The following PTPRU variants were observed in gnomAD, a reference collection of about 807,000 sequenced individuals.
The protein encoded by PTPRU is receptor-type tyrosine-protein phosphatase U.
A neutral mutation model predicts 166.3 loss-of-function variants in PTPRU; 69 were observed. That is an observed-to-expected ratio of 0.41 (90% CI 0.34 to 0.51). PTPRU has a LOEUF of 0.51. PTPRU is among the 20% of genes least tolerant of loss of function. PTPRU has a pLI of 0.09. For synonymous variants in PTPRU, 793 were observed against 814.0 expected (o/e 0.97, Z 0.44); for missense variants, 1,657 against 2,013.7 (o/e 0.82, Z 3.39).
chr1:29,279,270 A>G lies in PTPRU; in HGVS notation c.1563+149A>G. 3.0e-6 allele frequency: 3 copies of G among 995,854 alleles called. No individual in the cohort carries two copies. Among genetic ancestry groups the G allele is most frequent in the Non-Finnish European group, 4.5e-6 (3 of 666,074 alleles). 61.7% of individuals were successfully genotyped at this position (995,854 alleles called of 1,614,324 possible). ...CTATGGCCAGGTCTGTGCCCTGTGT[A>G]TTCTAGAGGAGGGTCCTGAAGGCAG... On this transcript the variant is annotated intron_variant, in intron 9 of 29. Transcript: ENST00000373779. This position sits in a 1 kb window ranked among gnomAD's most constrained non-coding sequence, Gnocchi z 5.2.
intron 12 of PTPRU, 139 bp downstream of exon 12, chr1:29,283,088 T>C (rs926924288): frequency 9.5e-5 from 117 of 1,230,014 alleles, no homozygotes; most frequent in Middle Eastern, 2.8e-4. Context: ...CCACCTCCCA[T>C]AGCTCCTCCT....
In PTPRU at chr1:29,279,305, C is replaced by G. The variant is rs1685953673; in HGVS notation, c.1564-151C>G. Reference sequence around the variant, plus strand: ...AGGGTCCTGAAGGCAGGAGGGAGAGCCGAAGATGACTAGAAGCCTGGCTTG... The same window carrying G: ...AGGGTCCTGAAGGCAGGAGGGAGAGGCGAAGATGACTAGAAGCCTGGCTTG... On this transcript the variant is annotated intron_variant, in intron 9 of 29. Transcript: ENST00000373779. The surrounding 1 kb of genome is among the most constrained non-coding windows in gnomAD (Gnocchi z 5.2). 1 of 1,021,550 alleles carries G rather than the reference C, an allele frequency of 9.8e-7. No homozygotes were observed. Among genetic ancestry groups the G allele is most frequent in the Non-Finnish European group, 1.5e-6 (1 of 689,008 alleles). The allele number at this position is 1,021,550 out of a possible 1,614,324, so 63.3% of individuals were successfully genotyped here. A position where few individuals can be genotyped will look rare whatever the true frequency, so the allele number is the denominator to read the frequency against.
At chr1:29,261,101 C>A (rs965707878) in intron 7 of PTPRU, among the ~76,000 whole-genome samples, 198 bp downstream of exon 7, 2 of 152,186 alleles carry the variant, frequency 1.3e-5, no homozygotes, top group Non-Finnish European at 2.9e-5. Context: ...TGTGTGTAGA[C>A]ACACACACAA....
chr1:29,291,932 C>A lies in PTPRU; in HGVS notation c.2382C>A (p.Ser794Arg), dbSNP rs41302038. The change falls in exon 15 of 30, where the codon AGC becomes AGA. Residue 794 changes from serine to arginine, a missense_variant. Around this residue, in one of 3 missense-constraint regions of PTPRU, gnomAD observed 1,190 missense variants for 1,477.4 expected, o/e 0.81. Transcript: ENST00000373779. The surrounding 1 kb of genome is among the most constrained non-coding windows in gnomAD (Gnocchi z 4.1). ...NYRQEKTHMM[S>R]AVDRSFTDQS... is the part of the protein sequence containing the mutation. ...GCCAGGAGAAGACACACATGATGAG[C>A]GCCGTGGACCGCAGCTTCACAGACC... 1 of 1,614,172 alleles carries A rather than the reference C, an allele frequency of 6.2e-7. No homozygotes were observed. The highest frequency in any genetic ancestry group is 2.2e-5 in the East Asian group (1 of 44,864).
In PTPRU at chr1:29,258,511, A is replaced by G; in HGVS notation, c.212A>G (p.Tyr71Cys). 6.2e-7 allele frequency: 1 copy of G among 1,613,140 alleles called. No individual in the cohort carries two copies. Among genetic ancestry groups the G allele is most frequent in the Non-Finnish European group, 8.5e-7 (1 of 1,179,548 alleles). The change falls in exon 3 of 30, where the codon TAC (tyrosine) becomes TGC (cysteine). Residue 71 changes from tyrosine to cysteine, a missense_variant. Tyr to Cys is a radical substitution (Grantham distance 194, BLOSUM62 -2). Transcript: ENST00000373779. ...CTTCCTCCTCTCTTTCCAGGCTCCT[A>G]CTTGATGGTCAACACTTCCCAGCAT... ...RAPADLPHGSYLMVNTSQHAP... is the reference protein window; with the variant it reads ...RAPADLPHGSCLMVNTSQHAP...
At position 29,280,939 on chromosome 1, in the gene PTPRU, C is replaced by T. The variant is rs908623474; in HGVS notation, c.1868+798C>T. 1.3e-5 allele frequency among the ~76,000 whole-genome samples: 2 copies of T among 152,154 alleles called. No homozygotes were observed. The highest frequency in any genetic ancestry group is 4.8e-5 in the African/African-American group (2 of 41,438). On this transcript the variant is annotated intron_variant, in intron 11 of 29. Transcript: ENST00000373779. This position sits in a 1 kb window ranked among gnomAD's most constrained non-coding sequence, Gnocchi z 4.2. Reference sequence around the variant, plus strand: ...TACATATCGGGAAACTGACTCAGAGCCTGAATCACTTGCCCTCAAGGCCAC... The same window carrying T: ...TACATATCGGGAAACTGACTCAGAGTCTGAATCACTTGCCCTCAAGGCCAC...
intron 1 of PTPRU, among the ~76,000 whole-genome samples, chr1:29,251,251 C>CAAAAAAAAA: frequency 6.7e-6 from 1 of 148,868 alleles, no homozygotes; most frequent in Non-Finnish European, 1.5e-5. Context: ...GACTCTATCT[C>CAAAAAAAAA]AAAAGAAAAA....
intron 22 of PTPRU, among the ~76,000 whole-genome samples, chr1:29,313,362 T>C (rs1287789210): frequency 1.3e-5 from 2 of 152,208 alleles, no homozygotes; most frequent in African/African-American, 4.8e-5. Flanking sequence ...AAATGCCGCA[T>C]GGTAGAGTCG....
Position 29,236,593 on chromosome 1 carries a change from G to T in PTPRU, c.-52G>T. 8.4e-7 allele frequency: 1 copy of T among 1,190,656 alleles called. No homozygotes were observed. Among genetic ancestry groups the T allele is most frequent in the South Asian group, 4.1e-5 (1 of 24,276 alleles). The allele number at this position is 1,190,656 out of a possible 1,614,324, so 73.8% of individuals were successfully genotyped here. A position where few individuals can be genotyped will look rare whatever the true frequency, so the allele number is the denominator to read the frequency against. On this transcript the variant is annotated 5_prime_UTR_variant, in exon 1 of 30. Transcript: ENST00000373779. This position sits in a 1 kb window ranked among gnomAD's most constrained non-coding sequence, Gnocchi z 4.6. Reference sequence around the variant, plus strand: ...TCGCCTCGGGCTGGGCTCGGGCTCCGGGGGCGGCGTCCCCCGCGCCGGGCC... The same window carrying T: ...TCGCCTCGGGCTGGGCTCGGGCTCCTGGGGCGGCGTCCCCCGCGCCGGGCC...
chr1:29,238,083 T>C lies in PTPRU; in HGVS notation c.73+1366T>C, dbSNP rs1683864829. 6.7e-6 allele frequency among the ~76,000 whole-genome samples: 1 copy of C among 148,518 alleles called. No individual in the cohort carries two copies. Among genetic ancestry groups the C allele is most frequent in the South Asian group, 2.1e-4 (1 of 4,790 alleles). On this transcript the variant is annotated intron_variant, in intron 1 of 29. Transcript: ENST00000373779. The surrounding 1 kb of genome is among the most constrained non-coding windows in gnomAD (Gnocchi z 6.1). The stretch of plus-strand genomic sequence containing the variant: ...CCAGGTGTGTGCTTGAGTGTGAGCG[T>C]GAGTGTGAGCGTGTGGCTCCGCGCT...
At chr1:29,307,342 T>C (rs1687439521) in intron 18 of PTPRU, among the ~76,000 whole-genome samples, 1 of 152,188 alleles carries the variant, frequency 6.6e-6, no homozygotes, top group Non-Finnish European at 1.5e-5. Flanking sequence ...TTCGAGAGTG[T>C]TCCTATTGTA....
intron 14 of PTPRU, chr1:29,289,764 C>T: frequency 6.3e-7 from 1 of 1,595,344 alleles, no homozygotes; most frequent in Non-Finnish European, 8.6e-7. Context: ...AGGGGGAGAT[C>T]CCCTGTCCCC....
chr1:29,323,624 T>G lies in PTPRU; in HGVS notation c.3955-7T>G. The stretch of plus-strand genomic sequence containing the variant: ...TGTCCTCCCTGGCTGGCTGCCCCTG[T>G]CCCCAGTTGCAGGAGGGGCACCTGC... On this transcript the variant is annotated splice_polypyrimidine_tract_variant and splice_region_variant and intron_variant, in intron 27 of 29. Coordinates refer to ENST00000373779, the MANE Select transcript of PTPRU (RefSeq NM_133178.4). 1 of 1,613,814 alleles carries G rather than the reference T, an allele frequency of 6.2e-7. No homozygotes were observed.
intron 18 of PTPRU, chr1:29,307,077 C>T: frequency 6.3e-7 from 1 of 1,598,780 alleles, no homozygotes; most frequent in Non-Finnish European, 8.6e-7. Flanking sequence ...CTGCCCCTGG[C>T]CTAATATCTG....
rs917369906 is a variant in PTPRU at position 29,307,069 on chromosome 1, G to C, written c.2820+1641G>C. 6.3e-6 allele frequency: 10 copies of C among 1,580,808 alleles called. No individual in the cohort carries two copies. In the South Asian group the frequency reaches 1.1e-4, roughly 18 times the overall value. On this transcript the variant is annotated intron_variant, in intron 18 of 29. Coordinates refer to ENST00000373779, the MANE Select transcript of PTPRU (RefSeq NM_133178.4). ...TCCTGTGCTCCGTCCACCTCCATCT[G>C]CCCCTGGCCTAATATCTGTCTCTTT...
intron 13 of PTPRU, among the ~76,000 whole-genome samples, chr1:29,284,477 G>A (rs1364982953): frequency 1.3e-5 from 2 of 152,168 alleles, no homozygotes. Context: ...CTGAGAGCTG[G>A]GAGGATCTGA....
chr1:29,248,907 C>G (rs1380870766), intron 1 of PTPRU, among the ~76,000 whole-genome samples: 1 of 152,202 alleles, frequency 6.6e-6, no homozygotes, highest in African/African-American at 2.4e-5. Flanking sequence ...CCTCATGCAC[C>G]TCTGCCCCAA....
chr1:29,307,289 G>C (rs1485701617), intron 18 of PTPRU: 1 of 1,162,076 alleles, frequency 8.6e-7, no homozygotes, highest in Admixed American at 2.0e-5. Context: ...AGCACCAACC[G>C]TCCATTTCAG....
chr1:29,251,346 G>A (rs1226648893), intron 1 of PTPRU, among the ~76,000 whole-genome samples: 1 of 152,224 alleles, frequency 6.6e-6, no homozygotes, highest in East Asian at 1.9e-4. Flanking sequence ...GGGGTCAGTT[G>A]TAGGGGTCAT....
Sources: gnomAD v4.1 joint callset for allele counts (sites outside exome capture counted in the v4.1 genomes callset) on GRCh38, gnomAD v4.1.1 for gene constraint, gnomAD v4.1.1 regional missense constraint, Gnocchi (gnomAD v3.1) non-coding constraint, MANE v1.5 for transcripts, NCBI Gene and HGNC (gene_info 2026-07-23, HGNC 2026-07-21) for gene names.